The following TRIM37 variants were observed in gnomAD, a reference collection of about 807,000 sequenced individuals.
TRIM37 encodes the protein tripartite motif containing 37, also known as E3 ubiquitin-protein ligase TRIM37.
In TRIM37, 80 loss-of-function variants were observed where a neutral mutation model predicts 129.8. The ratio of observed to expected loss-of-function variants is 0.62; its 90% CI spans 0.51 to 0.74. The LOEUF (loss-of-function observed/expected upper bound fraction) is 0.74. Ranked by LOEUF, TRIM37 falls within the 30% of genes least tolerant of loss-of-function variation. TRIM37 has a pLI of 0.00. For synonymous variants in TRIM37, 389 were observed against 387.1 expected (o/e 1.00, Z -0.06); for missense variants, 1,054 against 1,176.5 (o/e 0.90, Z 1.52).
intron 15 of TRIM37, among the ~76,000 whole-genome samples, chr17:59,048,920 A>G (rs1429427446): frequency 2.0e-5 from 3 of 152,166 alleles, no homozygotes; most frequent in African/African-American, 7.2e-5. Context: ...AAAATCCACA[A>G]TGTATGGTAG....
intron 8 of TRIM37, among the ~76,000 whole-genome samples, chr17:59,074,520 A>G (rs943410867): frequency 6.6e-6 from 1 of 152,246 alleles, no homozygotes; most frequent in African/African-American, 2.4e-5. Context: ...GTACAAAGAT[A>G]AAATAAAAAT....
chr17:58,980,384 G>A, downstream of TRIM37: 2 of 1,614,140 alleles, frequency 1.2e-6, no homozygotes, highest in Non-Finnish European at 1.7e-6. The surrounding 1 kb of genome is among the most constrained non-coding windows in gnomAD (Gnocchi z 4.7). Context: ...AGCCGACCTA[G>A]GCTATGATGG....
intron 22 of TRIM37, among the ~76,000 whole-genome samples, chr17:59,003,425 C>A (rs2034041151): frequency 6.6e-6 from 1 of 151,986 alleles, no homozygotes; most frequent in African/African-American, 2.4e-5. Flanking sequence ...AAAGTAAAAT[C>A]CTCTCTGGAA....
the TRIM37 span, among the ~76,000 whole-genome samples, chr17:58,968,358 G>A: frequency 6.6e-6 from 1 of 152,118 alleles, no homozygotes. Flanking sequence ...CCAGGAATTC[G>A]AAGTTACAAT....
At chr17:58,968,626 A>G in the TRIM37 span, among the ~76,000 whole-genome samples, 1 of 152,316 alleles carries the variant, frequency 6.6e-6, no homozygotes, top group East Asian at 1.9e-4. Flanking sequence ...CTTGCAAATG[A>G]AAATTATTAC....
chr17:59,056,828 A>C, intron 13 of TRIM37, 47 bp downstream of exon 13: 9 of 1,411,830 alleles, frequency 6.4e-6, no homozygotes, highest in Non-Finnish European at 8.8e-6. Flanking sequence ...TTCTGATGAT[A>C]TTATTTCCCC....
intron 4 of TRIM37, among the ~76,000 whole-genome samples, chr17:59,085,046 G>A (rs764823861): frequency 6.6e-5 from 10 of 152,082 alleles, no homozygotes; most frequent in Non-Finnish European, 1.2e-4. Flanking sequence ...TACAGGCCGG[G>A]TGCAGCGGTG....
intron 14 of TRIM37, among the ~76,000 whole-genome samples, chr17:59,050,026 T>C (rs2040189297): frequency 6.6e-6 from 1 of 152,148 alleles, no homozygotes; most frequent in African/African-American, 2.4e-5. Flanking sequence ...CCCTGACCTA[T>C]TAACGACTCT....
the TRIM37 span, among the ~76,000 whole-genome samples, chr17:58,973,930 C>A: frequency 3.5e-5 from 4 of 115,122 alleles, no homozygotes; most frequent in Non-Finnish European, 4.9e-5. Flanking sequence ...CCAGGCTGGG[C>A]GACAGAGCGA....
Position 59,070,942 on chromosome 17 carries a change from C to A in TRIM37, c.690G>T (p.Arg230=). Residue 230 remains arginine (R), a synonymous_variant, in exon 9 of 24, where the codon CGG becomes CGT. Transcript: ENST00000262294. ...SLLQEVEHQL[R]SCSKSELISK... ...ATATCAACTCACTCTTACTACAAGA[C>A]CGCAACTGTGTGAGGAAAAAAATTA... is the stretch of plus-strand genomic sequence containing the variant. 1 of 1,613,562 alleles carries A rather than the reference C, an allele frequency of 6.2e-7. No individual in the cohort carries two copies. The highest frequency in any genetic ancestry group is 8.5e-7 in the Non-Finnish European group (1 of 1,179,866).
chr17:59,047,242 A>T (rs976283360), intron 16 of TRIM37, among the ~76,000 whole-genome samples: 8 of 152,342 alleles, frequency 5.3e-5, no homozygotes, highest in Middle Eastern at 6.8e-3. Context: ...GACAAAGGAC[A>T]TTACTGGCAA....
Position 59,057,126 on chromosome 17 carries a change from T to C in TRIM37, c.1020-72A>G. Reference sequence around the variant, plus strand: ...ATAAAAAACAAACTCATCTAAACATTAAGGTCACTAAGTAATTACCTGAGA... The same window carrying C: ...ATAAAAAACAAACTCATCTAAACATCAAGGTCACTAAGTAATTACCTGAGA... On this transcript the variant is annotated intron_variant, in intron 12 of 23. Transcript: ENST00000262294. 4 of 1,278,782 alleles carry C rather than the reference T, an allele frequency of 3.1e-6. No homozygotes were observed. In the Admixed American group the frequency reaches 7.2e-5, roughly 23 times the overall value. The allele number at this position is 1,278,782 out of a possible 1,614,324, so 79.2% of individuals were successfully genotyped here.
chr17:59,011,544 G>C (rs2035256164), intron 22 of TRIM37, among the ~76,000 whole-genome samples: 2 of 152,122 alleles, frequency 1.3e-5, no homozygotes. Flanking sequence ...AAAATTACAA[G>C]GCCAAATATC....
intron 22 of TRIM37, among the ~76,000 whole-genome samples, chr17:59,009,270 G>T (rs1598860494): frequency 6.6e-6 from 1 of 151,940 alleles, no homozygotes; most frequent in African/African-American, 2.4e-5. Context: ...TGGGATTATA[G>T]GAGTGTGCCA....
chr17:58,994,750 CTTT>C (rs796722512), downstream of TRIM37, among the ~76,000 whole-genome samples: 2 of 142,372 alleles, frequency 1.4e-5, no homozygotes, highest in South Asian at 2.3e-4. Context: ...TTCTTTCTTT[CTTT>C]TTTTTTTTTT....
At chr17:59,058,624 G>T (rs1004949766) in intron 12 of TRIM37, among the ~76,000 whole-genome samples, 1 of 152,144 alleles carries the variant, frequency 6.6e-6, no homozygotes, top group African/African-American at 2.4e-5. Flanking sequence ...TTAAGAGACC[G>T]AGGTGGGCAG....
chr17:59,045,269 C>T (rs1051810601), intron 16 of TRIM37, among the ~76,000 whole-genome samples: 1 of 151,752 alleles, frequency 6.6e-6, no homozygotes, highest in African/African-American at 2.4e-5. Flanking sequence ...GCGGAGCTTG[C>T]AGTGAGCGGA....
intron 2 of TRIM37, among the ~76,000 whole-genome samples, chr17:59,097,764 C>T (rs539115797): frequency 7.2e-5 from 11 of 152,130 alleles, no homozygotes; most frequent in African/African-American, 1.2e-4. Context: ...AAGACTTATA[C>T]GTGCAAAACT....
At chr17:59,020,847 G>A (rs1313146312) in intron 19 of TRIM37, among the ~76,000 whole-genome samples, 1 of 152,168 alleles carries the variant, frequency 6.6e-6, no homozygotes, top group Non-Finnish European at 1.5e-5. Flanking sequence ...AAGATGTAGA[G>A]AAAAGGCAAC....
Sources: allele counts gnomAD v4.1 joint callset (sites outside exome capture counted in the v4.1 genomes callset), GRCh38; gene constraint gnomAD v4.1.1; non-coding constraint Gnocchi (gnomAD v3.1); transcripts MANE v1.5; gene names NCBI Gene and HGNC (gene_info 2026-07-23, HGNC 2026-07-21).